The following ANO10 variants were observed in gnomAD, a reference collection of about 807,000 sequenced individuals.
ANO10 encodes the protein anoctamin 10, also known as anoctamin-10.
ANO10 carries 77 observed loss-of-function variants against 74.7 expected under a neutral mutation model. The ratio of observed to expected loss-of-function variants is 1.03; its 90% CI spans 0.86 to 1.25. The LOEUF is 1.25. Ranked by LOEUF, ANO10 falls within the 50% of genes most tolerant of loss-of-function variation. The probability of loss-of-function intolerance (pLI) is 0.00; values close to 1 mark genes in which losing one functional copy is unlikely to be tolerated. For synonymous variants in ANO10, 279 were observed against 284.9 expected (o/e 0.98, Z 0.21); for missense variants, 721 against 778.1 (o/e 0.93, Z 0.87).
At chr3:43,376,878 T>G (rs564092275) in intron 12 of ANO10, among the ~76,000 whole-genome samples, 1 of 152,182 alleles carries the variant, frequency 6.6e-6, no homozygotes, top group Non-Finnish European at 1.5e-5. Flanking sequence ...TGCTGTAATA[T>G]GGCAGTGAGC....
intron 11 of ANO10, among the ~76,000 whole-genome samples, chr3:43,448,877 T>C (rs552185330): frequency 2.7e-4 from 40 of 148,498 alleles, no homozygotes; most frequent in African/African-American, 9.6e-4. Flanking sequence ...TTCTTTCTTT[T>C]TTTTTTTTTT....
intron 1 of ANO10, among the ~76,000 whole-genome samples, chr3:43,643,678 C>CTT (rs1310556861): frequency 0.032 from 4,302 of 133,284 alleles, 414 homozygotes; most frequent in African/African-American, 0.12. Context: ...TTGTCCTCAT[C>CTT]TTTTCTTTTT....
chr3:43,577,049 T>G lies in ANO10; in HGVS notation c.805A>C (p.Thr269Pro). 6.2e-7 allele frequency: 1 copy of G among 1,614,116 alleles called. No homozygotes were observed. The highest frequency in any genetic ancestry group is 8.5e-7 in the Non-Finnish European group (1 of 1,180,028). Residue 269 changes from threonine to proline, a missense_variant, in exon 6 of 13, where the codon ACC (threonine) becomes CCC (proline). By Grantham distance (38) the Thr-to-Pro change is conservative (BLOSUM62 -1). Coordinates refer to ENST00000292246, the MANE Select transcript of ANO10 (RefSeq NM_018075.5). ...ELWKRGCANM[T>P]YRWGTLLMKR... ...ATGAGCAGTGTCCCCCACCTGTAGG[T>G]CATGTTGGCACAGCCACGCTTCCAC... is the stretch of plus-strand genomic sequence containing the variant.
rs187840106 is a variant in ANO10, at chr3:43,654,578, A to C, written c.-12+36939T>G. 1.6e-4 allele frequency among the ~76,000 whole-genome samples: 24 copies of C among 152,340 alleles called. No individual in the cohort carries two copies. The East Asian group carries it at 4.4e-3, about 28-fold the overall frequency. On this transcript the variant is annotated intron_variant, in intron 1 of 3. Coordinates refer to the ANO10 transcript ENST00000413397. ...TGCTTGCCATAATGAAATGCTATTGATAGCCAAAATGTGATGAGAGAACTA... is the reference window on the plus strand; with the variant it reads ...TGCTTGCCATAATGAAATGCTATTGCTAGCCAAAATGTGATGAGAGAACTA...
chr3:43,517,544 C>T (rs952536753), intron 11 of ANO10, among the ~76,000 whole-genome samples: 10 of 152,044 alleles, frequency 6.6e-5, no homozygotes, highest in African/African-American at 2.4e-4. Flanking sequence ...TGAAGAGATA[C>T]CAGTGAGCTC....
intron 5 of ANO10, 60 bp downstream of exon 5, chr3:43,580,293 G>T: frequency 5.6e-6 from 9 of 1,608,978 alleles, no homozygotes; most frequent in Non-Finnish European, 6.8e-6. Flanking sequence ...TCCACTGCTA[G>T]ATCGTAACTT....
intron 11 of ANO10, among the ~76,000 whole-genome samples, chr3:43,450,965 T>C (rs1283457076): frequency 6.6e-6 from 1 of 152,206 alleles, no homozygotes; most frequent in Non-Finnish European, 1.5e-5. Flanking sequence ...GGCTTTATAA[T>C]ACAGCACTGA....
intron 4 of ANO10, among the ~76,000 whole-genome samples, chr3:43,581,402 C>T (rs4682691): frequency 6.6e-6 from 1 of 152,038 alleles, no homozygotes; most frequent in African/African-American, 2.4e-5. Flanking sequence ...AACCAAAGAC[C>T]GTATCTCCCA....
chr3:43,446,459 T>C (rs2093247712), intron 11 of ANO10, among the ~76,000 whole-genome samples: 1 of 152,214 alleles, frequency 6.6e-6, no homozygotes, highest in Admixed American at 6.5e-5. Context: ...AAAAAAGAGT[T>C]ACAACTTTTT....
chr3:43,581,379 G>A (rs1057272382), intron 4 of ANO10, among the ~76,000 whole-genome samples: 3 of 152,208 alleles, frequency 2.0e-5, no homozygotes, highest in Non-Finnish European at 4.4e-5. Flanking sequence ...ATCTGGAAGA[G>A]ACAAATGAAT....
chr3:43,614,771 C>CTATATATATATATATATATATA lies in ANO10; in HGVS notation c.-12+7116_-12+7137dup, dbSNP rs61084802. Among the ~76,000 whole-genome samples, 47 of 52,694 alleles carry CTATATATATATATATATATATA rather than the reference C, an allele frequency of 8.9e-4. 4 individuals are homozygous for CTATATATATATATATATATATA. Among genetic ancestry groups the CTATATATATATATATATATATA allele is most frequent in the Non-Finnish European group, 1.2e-3 (26 of 21,944 alleles). 34.6% of individuals were successfully genotyped at this position (52,694 alleles called of 152,430 possible). A position where few individuals can be genotyped will look rare whatever the true frequency, so the allele number is the denominator to read the frequency against. ...CCCAAATTCTTAGAAGAAAACTAAA[C>CTATATATATATATATATATATA]TATATATATATATATATATATATAT... On this transcript the variant is annotated intron_variant, in intron 1 of 12. Coordinates refer to ENST00000292246, the MANE Select transcript of ANO10 (RefSeq NM_018075.5).
At position 43,679,389 on chromosome 3, in the gene ANO10, G is replaced by A. The variant is rs934893093; in HGVS notation, c.-12+12128C>T. On this transcript the variant is annotated intron_variant, in intron 1 of 3. Coordinates refer to the ANO10 transcript ENST00000413397. ...AAACTGCAAGGCAGCAGCGAGGCTA[G>A]GGGAGGGGTGCCTGCCATTGCCGAG... Among the ~76,000 whole-genome samples the A allele has an allele frequency of 5.3e-5, 8 of 152,324 alleles. No homozygotes were observed. In the East Asian group the frequency reaches 5.8e-4, roughly 11 times the overall value.
At chr3:43,546,886 C>T (rs538622317) in intron 11 of ANO10, among the ~76,000 whole-genome samples, 2 of 152,186 alleles carry the variant, frequency 1.3e-5, no homozygotes, top group Admixed American at 6.5e-5. Context: ...GAAGAAATAA[C>T]GGCTATAAAG....
At chr3:43,415,093 G>A (rs2148900348) in intron 12 of ANO10, among the ~76,000 whole-genome samples, 1 of 149,840 alleles carries the variant, frequency 6.7e-6, no homozygotes, top group African/African-American at 2.5e-5. Context: ...TCGTTCCTGA[G>A]CCTCCTGAGT....
intron 12 of ANO10, among the ~76,000 whole-genome samples, chr3:43,394,038 A>G (rs1051806698): frequency 2.6e-5 from 4 of 152,140 alleles, no homozygotes; most frequent in African/African-American, 9.7e-5. Flanking sequence ...ACAGGGTATC[A>G]TAACTTTTTT....
At chr3:43,564,473 C>T (rs2149356415) in intron 8 of ANO10, among the ~76,000 whole-genome samples, 1 of 152,166 alleles carries the variant, frequency 6.6e-6, no homozygotes, top group East Asian at 1.9e-4. Flanking sequence ...ACTGCTACTT[C>T]TTGGGATATT....
intron 12 of ANO10, among the ~76,000 whole-genome samples, chr3:43,402,307 A>G (rs1176278891): frequency 1.3e-5 from 2 of 152,212 alleles, no homozygotes; most frequent in African/African-American, 4.8e-5. Context: ...CTCGCTCCAC[A>G]TCACAGCCCC....
intron 12 of ANO10, among the ~76,000 whole-genome samples, chr3:43,395,655 T>A (rs559777915): frequency 2.0e-5 from 3 of 152,304 alleles, no homozygotes; most frequent in East Asian, 1.9e-4. Flanking sequence ...CCCCCCTGTA[T>A]AATAAGCTTT....
chr3:43,398,327 A>C (rs181050555), intron 12 of ANO10, among the ~76,000 whole-genome samples: 3 of 152,378 alleles, frequency 2.0e-5, no homozygotes, highest in Non-Finnish European at 2.9e-5. Flanking sequence ...GATTAATTTG[A>C]AGTTTTAGAT....
Sources: allele counts gnomAD v4.1 joint callset (sites outside exome capture counted in the v4.1 genomes callset), GRCh38; gene constraint gnomAD v4.1.1; transcripts MANE v1.5; gene names NCBI Gene and HGNC (gene_info 2026-07-23, HGNC 2026-07-21).